Variants in NRXN1 observed in about 807,000 individuals in gnomAD.
NRXN1 encodes the protein neurexin 1, also known as neurexin-1.
A neutral mutation model predicts 150.9 loss-of-function variants in NRXN1; 39 were observed. That is an observed-to-expected ratio of 0.26 (90% confidence interval 0.20 to 0.34). The LOEUF is 0.34. Ranked by LOEUF, NRXN1 falls within the 10% of genes least tolerant of loss-of-function variation. NRXN1 has a pLI of 1.00. For synonymous variants in NRXN1, 924 were observed against 757.0 expected, an observed-to-expected ratio of 1.22 and a Z score of -3.62; for missense variants, 1,815 against 1,949.9, an observed-to-expected ratio of 0.93 and a Z score of 1.30.
chr2:50,532,834 TA>T (rs1453599974), intron 10 of NRXN1, among the ~76,000 whole-genome samples: 11 of 152,098 alleles, frequency 7.2e-5, no homozygotes, highest in Non-Finnish European at 1.2e-4. Context: ...TTAAGCACCA[TA>T]TGGTAGTGGA....
chr2:50,999,978 T>A (rs1699828207), intron 2 of NRXN1, among the ~76,000 whole-genome samples: 1 of 152,074 alleles, frequency 6.6e-6, no homozygotes, highest in South Asian at 2.1e-4. Flanking sequence ...AATGATTTTC[T>A]GTTGAATTTA....
intron 5 of NRXN1, among the ~76,000 whole-genome samples, chr2:50,914,304 T>A (rs1323775794): frequency 6.6e-6 from 1 of 151,652 alleles, no homozygotes; most frequent in East Asian, 2.0e-4. Flanking sequence ...TTTATTTTAG[T>A]GAAAGATAAG....
intron 8 of NRXN1, among the ~76,000 whole-genome samples, chr2:50,577,729 C>G (rs867344412): frequency 6.6e-6 from 1 of 152,042 alleles, no homozygotes; most frequent in Middle Eastern, 3.4e-3. Context: ...CACACACACA[C>G]ACACACACAC....
At chr2:50,040,652 T>C (rs1690796391) in intron 21 of NRXN1, among the ~76,000 whole-genome samples, 1 of 152,112 alleles carries the variant, frequency 6.6e-6, no homozygotes, top group Admixed American at 6.5e-5. Context: ...CTAAACTATA[T>C]TGATTTGTTT....
Position 50,481,043 on chromosome 2 carries a change from A to C in NRXN1, c.3071-8572T>G, listed in dbSNP as rs555269073. On this transcript the variant is annotated intron_variant, in intron 15 of 22. Coordinates refer to ENST00000401669, the MANE Select transcript of NRXN1 (RefSeq NM_001330078.2). Reference sequence around the variant, plus strand: ...GCCTGTTGAGCTACAAGAGGAGTAAAGGTTATCAGGGATACATGTTACAGA... The same window carrying C: ...GCCTGTTGAGCTACAAGAGGAGTAACGGTTATCAGGGATACATGTTACAGA... Among the ~76,000 whole-genome samples, 4 of 152,326 alleles carry C rather than the reference A, an allele frequency of 2.6e-5. No homozygotes were observed. The East Asian group carries it at 5.8e-4, about 22-fold the overall frequency.
intron 21 of NRXN1, among the ~76,000 whole-genome samples, chr2:50,028,235 A>G (rs1263122232): frequency 6.6e-6 from 1 of 152,132 alleles, no homozygotes; most frequent in African/African-American, 2.4e-5. Flanking sequence ...CTTTTTGTGG[A>G]TATACTGAGG....
intron 5 of NRXN1, among the ~76,000 whole-genome samples, chr2:50,794,762 T>C (rs1240636836): frequency 6.6e-6 from 1 of 152,164 alleles, no homozygotes; most frequent in Non-Finnish European, 1.5e-5. Context: ...ATTATCTCTA[T>C]ATAATTCCCC....
At chr2:50,254,441 T>G (rs2067493099) in intron 17 of NRXN1, among the ~76,000 whole-genome samples, 1 of 151,918 alleles carries the variant, frequency 6.6e-6, no homozygotes, top group African/African-American at 2.4e-5. Context: ...CTTGGTTATT[T>G]CTTGTCTTCT....
chr2:50,617,264 G>A (rs945867418), intron 8 of NRXN1, among the ~76,000 whole-genome samples: 5 of 151,982 alleles, frequency 3.3e-5, no homozygotes, highest in Admixed American at 6.6e-5. Context: ...AGTGAAACCC[G>A]TCACTACTAT....
intron 5 of NRXN1, among the ~76,000 whole-genome samples, chr2:50,777,592 A>G (rs2105490952): frequency 6.6e-6 from 1 of 152,276 alleles, no homozygotes; most frequent in African/African-American, 2.4e-5. Flanking sequence ...TCCATTTTAC[A>G]TCCAATGTGT....
At chr2:50,627,131 T>A (rs1490847596) in intron 5 of NRXN1, among the ~76,000 whole-genome samples, 1 of 151,870 alleles carries the variant, frequency 6.6e-6, no homozygotes, top group Non-Finnish European at 1.5e-5. Flanking sequence ...TCTTATATAC[T>A]GCTGATGCTG....
intron 9 of NRXN1, among the ~76,000 whole-genome samples, chr2:50,539,411 A>T (rs1033695931): frequency 6.6e-6 from 1 of 152,242 alleles, no homozygotes; most frequent in Non-Finnish European, 1.5e-5. Context: ...TGTTAAGGAG[A>T]AAAATCTATT....
chr2:49,971,432 A>G (rs1677939648), intron 21 of NRXN1, among the ~76,000 whole-genome samples: 1 of 152,140 alleles, frequency 6.6e-6, no homozygotes, highest in African/African-American at 2.4e-5. Flanking sequence ...TTGGCAGTTG[A>G]GCCCAAATGT....
At chr2:49,973,368 G>T (rs1332803000) in intron 21 of NRXN1, among the ~76,000 whole-genome samples, 1 of 151,920 alleles carries the variant, frequency 6.6e-6, no homozygotes, top group South Asian at 2.1e-4. Flanking sequence ...CATTAATCAG[G>T]TTTAATCACT....
At chr2:50,583,347 A>G (rs1672590541) in intron 8 of NRXN1, among the ~76,000 whole-genome samples, 1 of 152,020 alleles carries the variant, frequency 6.6e-6, no homozygotes, top group Non-Finnish European at 1.5e-5. Flanking sequence ...TAGCGCCTCT[A>G]CCTTTTAACC....
At chr2:50,966,844 T>A (rs2104747362) in intron 2 of NRXN1, among the ~76,000 whole-genome samples, 1 of 152,008 alleles carries the variant, frequency 6.6e-6, no homozygotes, top group East Asian at 1.9e-4. Flanking sequence ...TCAAACTTAT[T>A]GTTTAAAAAG....
chr2:50,772,550 T>C lies in NRXN1; in HGVS notation c.833-148935A>G, dbSNP rs563317911. On this transcript the variant is annotated intron_variant, in intron 5 of 22. Coordinates refer to ENST00000401669, the MANE Select transcript of NRXN1 (RefSeq NM_001330078.2). Reference sequence around the variant, plus strand: ...AAGGAGTTCAGGAGCTCCTGTGATATATGAAACTTGAAAAAAGGAAGGCCA... The same window carrying C: ...AAGGAGTTCAGGAGCTCCTGTGATACATGAAACTTGAAAAAAGGAAGGCCA... 1.8e-4 allele frequency among the ~76,000 whole-genome samples: 27 copies of C among 152,134 alleles called. No homozygotes were observed. In the East Asian group the frequency reaches 5.2e-3, roughly 30 times the overall value.
At position 50,623,567 on chromosome 2, in the gene NRXN1, T is replaced by C. The variant is rs781054571; in HGVS notation, c.881A>G (p.Tyr294Cys). Residue 294 changes from tyrosine (Y) to cysteine (C), a missense_variant, in exon 6 of 23, where the codon TAC (tyrosine) becomes TGC (cysteine). This residue lies in a region of NRXN1 where 554 missense variants were observed against 478.8 expected (regional missense o/e 1.16). Transcript: ENST00000401669. Reference protein sequence around the residue: ...ATFKGSEYFCYDLSQNPIQSS... With the variant: ...ATFKGSEYFCCDLSQNPIQSS... ...TTGAATGGGGTTTTGAGACAAGTCG[T>C]AGCAGAAGTATTCAGATCCTTTGAA... is the stretch of plus-strand genomic sequence containing the variant. The C allele has an allele frequency of 1.2e-6, 2 of 1,613,230 alleles. No homozygotes were observed. Among genetic ancestry groups the C allele is most frequent in the Admixed American group, 1.7e-5 (1 of 59,918 alleles).
intron 2 of NRXN1, among the ~76,000 whole-genome samples, chr2:50,952,875 A>T (rs1033669453): frequency 1.3e-5 from 2 of 152,172 alleles, no homozygotes; most frequent in African/African-American, 4.8e-5. Context: ...AATTAAGTGG[A>T]AAAGTTTTGA....
Sources: gnomAD v4.1 joint callset for allele counts (sites outside exome capture counted in the v4.1 genomes callset) on GRCh38, gnomAD v4.1.1 for gene constraint, gnomAD v4.1.1 regional missense constraint, MANE v1.5 for transcripts, NCBI Gene and HGNC (gene_info 2026-07-23, HGNC 2026-07-21) for gene names.